The following VPS39 variants were observed in gnomAD, a reference collection of about 807,000 sequenced individuals.
The protein encoded by VPS39 is VPS39 subunit of HOPS complex, also known as vam6/Vps39-like protein.
Under a neutral mutation model 121.0 loss-of-function variants are expected in VPS39, and 70 were observed. The ratio of observed to expected loss-of-function variants is 0.58; its 90% CI spans 0.48 to 0.71. The LOEUF is 0.71. VPS39 is among the 30% of genes least tolerant of loss of function. The pLI, the probability that VPS39 is intolerant of heterozygous loss-of-function variation, is 0.00. For missense variants in VPS39, 818 were observed against 1,051.5 expected (o/e 0.78, Z 3.07); for synonymous variants, 378 against 398.1 (o/e 0.95, Z 0.60).
chr15:42,186,865 C>T (rs1301902460), intron 7 of VPS39, among the ~76,000 whole-genome samples: 1 of 152,132 alleles, frequency 6.6e-6, no homozygotes, highest in Non-Finnish European at 1.5e-5. Context: ...TTAGTACAAA[C>T]ATACAAAAAG....
chr15:42,185,227 G>A (rs983242560), intron 7 of VPS39, among the ~76,000 whole-genome samples: 2 of 145,778 alleles, frequency 1.4e-5, no homozygotes, highest in Admixed American at 7.0e-5. Context: ...CGCCCAGGCT[G>A]GAGTGCAGTG....
At chr15:42,194,053 A>C (rs2049884457) in intron 2 of VPS39, among the ~76,000 whole-genome samples, 1 of 152,184 alleles carries the variant, frequency 6.6e-6, no homozygotes, top group South Asian at 2.1e-4. Flanking sequence ...ACTTCCCATT[A>C]TATCATATGA....
chr15:42,190,831 C>G (rs2049812835), intron 4 of VPS39, among the ~76,000 whole-genome samples: 1 of 152,190 alleles, frequency 6.6e-6, no homozygotes, highest in Non-Finnish European at 1.5e-5. Context: ...AAGATAGCAA[C>G]TATGTCTCAC....
chr15:42,165,402 C>G (rs1456059596), intron 17 of VPS39: 3 of 519,124 alleles, frequency 5.8e-6, no homozygotes, highest in Non-Finnish European at 1.0e-5. Context: ...ATATCTGCAT[C>G]CTGGTACTTA....
chr15:42,195,101 T>C (rs1712407), intron 2 of VPS39, among the ~76,000 whole-genome samples: 20,933 of 152,044 alleles, frequency 0.14, 1,857 homozygotes, highest in South Asian at 0.24. Flanking sequence ...CCTAGAGTTG[T>C]AAAGGCCTCA....
chr15:42,201,916 A>G (rs1161365239), intron 1 of VPS39, among the ~76,000 whole-genome samples: 1 of 152,254 alleles, frequency 6.6e-6, no homozygotes, highest in Non-Finnish European at 1.5e-5. Flanking sequence ...GTGTTCCAGG[A>G]AATGCTAAAC....
chr15:42,173,021 A>T (rs1186909120), intron 11 of VPS39, among the ~76,000 whole-genome samples: 2 of 152,140 alleles, frequency 1.3e-5, no homozygotes. Context: ...CCAAGTATAT[A>T]TAGATAGATT....
rs1234033542 is a variant in VPS39 at position 42,163,748 on chromosome 15, G to A, written c.2027-20C>T. The stretch of plus-strand genomic sequence containing the variant: ...AGAGGCCTAGGAGGAAAAGGAATAT[G>A]AGGAACCACTGCCGCCATCACGCAA... On this transcript the variant is annotated intron_variant, in intron 19 of 24. Transcript: ENST00000318006. 1.9e-6 allele frequency: 3 copies of A among 1,583,424 alleles called. No homozygotes were observed. The highest frequency in any genetic ancestry group is 1.7e-5 in the Admixed American group (1 of 57,378).
In VPS39 at chr15:42,178,332, G is replaced by T. The variant is rs376363409; in HGVS notation, c.846C>A (p.Asn282Lys). The change falls in exon 10 of 25, where the codon AAC (asparagine) becomes AAA (lysine). Residue 282 changes from asparagine to lysine, a missense_variant. Transcript: ENST00000318006. Reference sequence around the variant, plus strand: ...AATGATTGCTGGCCACATAGATAATGTTTGATCTGGAAGCAAGAGTAAGAA... The same window carrying T: ...AATGATTGCTGGCCACATAGATAATTTTTGATCTGGAAGCAAGAGTAAGAA... ...RPRFITSGGS[N>K]IIYVASNHFV... 63 of 1,614,028 alleles carry T rather than the reference G, an allele frequency of 3.9e-5. No individual in the cohort carries two copies. Among genetic ancestry groups the T allele is most frequent in the Middle Eastern group, 1.6e-4 (1 of 6,084 alleles).
chr15:42,169,753 G>A lies in VPS39; in HGVS notation c.1204C>T (p.His402Tyr). 2 of 1,614,042 alleles carry A rather than the reference G, an allele frequency of 1.2e-6. No individual in the cohort carries two copies. The highest frequency in any genetic ancestry group is 2.2e-5 in the East Asian group (1 of 44,890). ...VLSGAELEKA[H>Y]LALIDYLTQK... ...GTCAGGTAGTCAATCAGAGCTAAGT[G>A]AGCCTTCTCCAATTCAGCCCCGGAG... The change falls in exon 12 of 25, where the codon CAC becomes TAC. Residue 402 changes from histidine (H) to tyrosine (Y), a missense_variant. By Grantham distance (83) the His-to-Tyr change is moderately conservative. Coordinates refer to ENST00000318006, the MANE Select transcript of VPS39 (RefSeq NM_015289.5).
Position 42,188,717 on chromosome 15 carries a change from C to T in VPS39, c.342+397G>A, listed in dbSNP as rs545807978. 2.0e-5 allele frequency among the ~76,000 whole-genome samples: 3 copies of T among 152,288 alleles called. No individual in the cohort carries two copies. The South Asian group carries it at 6.2e-4, about 32-fold the overall frequency. On this transcript the variant is annotated intron_variant, in intron 5 of 24. Transcript: ENST00000318006. ...GGGTGCAGTGGCTCATGCCTGTAAT[C>T]CCAGCACTTTGGGAGGCCAAGGTCA... is the stretch of plus-strand genomic sequence containing the variant.
At chr15:42,162,306 C>T (rs201364079) in intron 22 of VPS39, 26 bp downstream of exon 22, 30 of 1,600,286 alleles carry the variant, frequency 1.9e-5, no homozygotes, top group Non-Finnish European at 2.6e-5. Context: ...CAAACACCCT[C>T]CATCTCCCTA....
chr15:42,176,280 T>C (rs1312948923), intron 10 of VPS39, among the ~76,000 whole-genome samples: 4 of 152,168 alleles, frequency 2.6e-5, no homozygotes, highest in Non-Finnish European at 4.4e-5. Flanking sequence ...ATAACCTTTT[T>C]ATCAAAAACT....
chr15:42,170,082 A>T (rs971503186), intron 11 of VPS39, among the ~76,000 whole-genome samples: 3 of 152,196 alleles, frequency 2.0e-5, no homozygotes, highest in Admixed American at 2.0e-4. Context: ...AAAATGCCTG[A>T]CTATATTCAA....
intron 4 of VPS39, among the ~76,000 whole-genome samples, chr15:42,189,819 T>TTTTC (rs376361986): frequency 0.04 from 3,335 of 82,794 alleles, 1,083 homozygotes; most frequent in Non-Finnish European, 0.061. Flanking sequence ...TTTTTTTTTT[T>TTTTC]TGAGGCACGG....
intron 13 of VPS39, 88 bp downstream of exon 13, chr15:42,167,306 G>C: frequency 2.0e-6 from 3 of 1,485,858 alleles, no homozygotes; most frequent in Non-Finnish European, 2.7e-6. Flanking sequence ...ACTAATGGCA[G>C]GTCCCTCAGG....
intron 4 of VPS39, among the ~76,000 whole-genome samples, chr15:42,190,119 G>T (rs556071362): frequency 6.6e-6 from 1 of 152,096 alleles, no homozygotes; most frequent in South Asian, 2.1e-4. Context: ...CCAGTCCAAA[G>T]CACTCTTATA....
In VPS39 at chr15:42,163,344, A is replaced by G; in HGVS notation, c.2175+6T>C. The G allele has an allele frequency of 6.2e-7, 1 of 1,614,030 alleles. No individual in the cohort carries two copies. The highest frequency in any genetic ancestry group is 8.5e-7 in the Non-Finnish European group (1 of 1,179,990). ...ACGTGCTCCCTGGGTCAGGGTCACT[A>G]CTCACATCTTTGTTGCCATCTTTGT... On this transcript the variant is annotated splice_donor_region_variant and intron_variant, in intron 21 of 24. Coordinates refer to ENST00000318006, the MANE Select transcript of VPS39 (RefSeq NM_015289.5).
chr15:42,187,133 T>A, intron 7 of VPS39, 138 bp downstream of exon 7: 1 of 610,230 alleles, frequency 1.6e-6, no homozygotes, highest in Non-Finnish European at 2.8e-6. Flanking sequence ...TGAGCATGAA[T>A]GATAACTACA....
Sources: gnomAD v4.1 joint callset for allele counts (sites outside exome capture counted in the v4.1 genomes callset) on GRCh38, gnomAD v4.1.1 for gene constraint, MANE v1.5 for transcripts, NCBI Gene and HGNC (gene_info 2026-07-23, HGNC 2026-07-21) for gene names.